Variants in TMX4 observed in about 807,000 individuals in gnomAD.
The protein encoded by TMX4 is thioredoxin-related transmembrane protein 4.
A neutral mutation model predicts 33.3 loss-of-function variants in TMX4; 23 were observed. The ratio of observed to expected loss-of-function variants is 0.69; its 90% CI spans 0.50 to 0.98. TMX4 has a LOEUF of 0.98. Among genes scored for constraint, TMX4 ranks in the 50% least tolerant of loss-of-function variants. The pLI, the probability that TMX4 is intolerant of heterozygous loss-of-function variation, is 0.00. For missense variants in TMX4, 399 were observed against 448.9 expected, an observed-to-expected ratio of 0.89 and a Z score of 1.01; for synonymous variants, 164 against 161.5, an observed-to-expected ratio of 1.02 and a Z score of -0.12.
In TMX4 at chr20:8,019,718, AG is replaced by A; in HGVS notation, c.-106del. Reference sequence around the variant, plus strand: ...GTTTTTCAAGGAAGCGGGAGACGCAAGGGCCACCCCGCCTACGCCTAGCGGC... The same window carrying A: ...GTTTTTCAAGGAAGCGGGAGACGCAAGGCCACCCCGCCTACGCCTAGCGGC... On this transcript the variant is annotated 5_prime_UTR_variant, in exon 1 of 8. Coordinates refer to ENST00000246024, the MANE Select transcript of TMX4 (RefSeq NM_021156.4). 9.8e-7 allele frequency: 1 copy of A among 1,017,684 alleles called. No individual in the cohort carries two copies. Among genetic ancestry groups the A allele is most frequent in the Non-Finnish European group, 1.3e-6 (1 of 781,594 alleles). The allele number at this position is 1,017,684 out of a possible 1,614,324, so 63.0% of individuals were successfully genotyped here. A position where few individuals can be genotyped will look rare whatever the true frequency, so the allele number is the denominator to read the frequency against.
intron 7 of TMX4, 69 bp from the exon 8 acceptor site, chr20:7,982,690 T>C: frequency 1.3e-6 from 2 of 1,482,288 alleles, no homozygotes; most frequent in Non-Finnish European, 1.8e-6. Flanking sequence ...TTGAGTGTGT[T>C]TAGCTGTGAA....
rs916692009 is a variant in TMX4, at chr20:7,980,343, A to G, written c.*1908T>C. 1.3e-5 allele frequency: 2 copies of G among 152,124 alleles called. No individual in the cohort carries two copies. The highest frequency in any genetic ancestry group is 4.8e-5 in the African/African-American group (2 of 41,422). The allele number at this position is 152,124 out of a possible 1,614,324, so 9.4% of individuals were successfully genotyped here. On this transcript the variant is annotated 3_prime_UTR_variant, in exon 8 of 8. Transcript: ENST00000246024. Reference sequence around the variant, plus strand: ...AACCTGAGTTTACTGTTCTTTGAGAACTCTGTTTCAGCTGATTATAAGAGA... The same window carrying G: ...AACCTGAGTTTACTGTTCTTTGAGAGCTCTGTTTCAGCTGATTATAAGAGA...
In TMX4 at chr20:7,992,229, G is replaced by C. The variant is rs1163345937; in HGVS notation, c.513+3797C>G. Among the ~76,000 whole-genome samples the C allele has an allele frequency of 2.0e-5, 3 of 152,190 alleles. No individual in the cohort carries two copies. In the East Asian group the frequency reaches 5.8e-4, roughly 29 times the overall value. The stretch of plus-strand genomic sequence containing the variant: ...TCCTTTGAAGATGTCAACTCTCTGA[G>C]AAACTCCTCTAACTGTCCCATCTCC... On this transcript the variant is annotated intron_variant, in intron 5 of 7. Coordinates refer to ENST00000246024, the MANE Select transcript of TMX4 (RefSeq NM_021156.4).
In TMX4 at chr20:7,979,280, T is replaced by A. The variant is rs992396436; in HGVS notation, c.*2971A>T. 1.3e-5 allele frequency: 2 copies of A among 152,132 alleles called. No homozygotes were observed. Among genetic ancestry groups the A allele is most frequent in the South Asian group, 2.1e-4 (1 of 4,826 alleles). The allele number at this position is 152,132 out of a possible 1,614,324, so 9.4% of individuals were successfully genotyped here. Reference sequence around the variant, plus strand: ...CCTAAAATCTTCAAGTGGAAAGATATTAAATTAAATTTTGTTGGAAAAAAA... The same window carrying A: ...CCTAAAATCTTCAAGTGGAAAGATAATAAATTAAATTTTGTTGGAAAAAAA... On this transcript the variant is annotated 3_prime_UTR_variant, in exon 8 of 8. Transcript: ENST00000246024.
In TMX4 at chr20:7,987,295, A is replaced by G. The variant is rs771921765; in HGVS notation, c.608T>C (p.Met203Thr). Residue 203 changes from methionine (M) to threonine (T), a missense_variant, in exon 6 of 8, where the codon ATG (methionine) becomes ACG (threonine). Physicochemically the swap from Met to Thr is moderately conservative, Grantham distance 81. Transcript: ENST00000246024. ...TTTGGTATTATCTCTTACCAGACCCATAAAAAGGCCAAAAACCAAGGTGGC... is the reference window on the plus strand; with the variant it reads ...TTTGGTATTATCTCTTACCAGACCCGTAAAAAGGCCAAAAACCAAGGTGGC... The part of the protein sequence containing the change: ...VIATLVFGLF[M>T]GLVLVVISEC... 6.3e-7 allele frequency: 1 copy of G among 1,587,486 alleles called. No homozygotes were observed. The highest frequency in any genetic ancestry group is 8.5e-7 in the Non-Finnish European group (1 of 1,171,858).
At chr20:7,989,509 TC>T (rs1301884339) in intron 5 of TMX4, among the ~76,000 whole-genome samples, 2 of 152,244 alleles carry the variant, frequency 1.3e-5, no homozygotes, top group African/African-American at 4.8e-5. Flanking sequence ...TTTCAAAACA[TC>T]CTCTTATTTT....
intron 2 of TMX4, among the ~76,000 whole-genome samples, chr20:8,003,942 A>G (rs1365358104): frequency 6.6e-6 from 1 of 152,158 alleles, no homozygotes; most frequent in Non-Finnish European, 1.5e-5. Context: ...TGGAATATTA[A>G]CAATGAGGTT....
At chr20:7,999,055 CTTAATA>C (rs1325726047) in intron 4 of TMX4, among the ~76,000 whole-genome samples, 2 of 152,084 alleles carry the variant, frequency 1.3e-5, no homozygotes, top group African/African-American at 4.8e-5. Context: ...TATGTGTTTC[CTTAATA>C]TTAATATAGA....
chr20:8,007,467 C>T (rs777415990), intron 2 of TMX4, among the ~76,000 whole-genome samples: 93 of 152,272 alleles, frequency 6.1e-4, no homozygotes, highest in South Asian at 1.4e-3. Flanking sequence ...CACATAGCTG[C>T]CAAAGGAATT....
chr20:7,992,769 C>T (rs529495512), intron 5 of TMX4, among the ~76,000 whole-genome samples: 1 of 152,250 alleles, frequency 6.6e-6, no homozygotes, highest in South Asian at 2.1e-4. Context: ...GAAACCCAAG[C>T]CCCTTAAGGA....
chr20:7,988,470 T>C (rs750780055), intron 5 of TMX4, among the ~76,000 whole-genome samples: 1 of 152,232 alleles, frequency 6.6e-6, no homozygotes, highest in Non-Finnish European at 1.5e-5. Flanking sequence ...TGTAAACTGA[T>C]TTAGCAAAAT....
intron 3 of TMX4, 103 bp from the exon 4 acceptor site, chr20:7,999,963 G>A (rs1444000174): frequency 1.6e-6 from 2 of 1,251,438 alleles, no homozygotes; most frequent in East Asian, 2.6e-5. Context: ...AACGCCATCT[G>A]AACTTTAAAT....
intron 5 of TMX4, among the ~76,000 whole-genome samples, chr20:7,993,476 A>T (rs2050663552): frequency 6.6e-6 from 1 of 152,112 alleles, no homozygotes; most frequent in Non-Finnish European, 1.5e-5. Context: ...AGCTGGAAGG[A>T]CTCGCTGAGT....
chr20:8,010,088 C>T, intron 2 of TMX4, 112 bp downstream of exon 2: 3 of 748,950 alleles, frequency 4.0e-6, no homozygotes, highest in Non-Finnish European at 4.4e-6. Context: ...TTAAAGGTGG[C>T]CAGTTCATGG....
At chr20:8,010,408 T>C in intron 1 of TMX4, 93 bp from the exon 2 acceptor site, 1 of 788,486 alleles carries the variant, frequency 1.3e-6, no homozygotes, top group Non-Finnish European at 1.8e-6. Flanking sequence ...AATAAATTAT[T>C]AAAAAAGGGA....
intron 2 of TMX4, among the ~76,000 whole-genome samples, chr20:8,004,124 CA>C (rs755739694): frequency 1.7e-3 from 227 of 132,174 alleles, no homozygotes; most frequent in Middle Eastern, 3.8e-3. Flanking sequence ...AAATTCATCT[CA>C]AAAAAAAAAA....
At position 8,019,437 on chromosome 20, in the gene TMX4, C is replaced by T; in HGVS notation, c.176+1G>A. On this transcript the variant is annotated splice_donor_variant, in intron 1 of 7. Coordinates refer to ENST00000246024, the MANE Select transcript of TMX4 (RefSeq NM_021156.4). LOFTEE classifies it high-confidence loss of function. Reference sequence around the variant, plus strand: ...CGTCCGGGGCGGGCGGGCACACTCACAATTTCAGCATCCACTCGCCCTCCA... The same window carrying T: ...CGTCCGGGGCGGGCGGGCACACTCATAATTTCAGCATCCACTCGCCCTCCA... 2 of 1,516,464 alleles carry T rather than the reference C, an allele frequency of 1.3e-6. No homozygotes were observed. The highest frequency in any genetic ancestry group is 1.2e-5 in the South Asian group (1 of 81,564). 93.9% of individuals were successfully genotyped at this position (1,516,464 alleles called of 1,614,324 possible).
At chr20:8,015,061 T>C (rs913089803) in intron 1 of TMX4, among the ~76,000 whole-genome samples, 1 of 151,776 alleles carries the variant, frequency 6.6e-6, no homozygotes, top group Non-Finnish European at 1.5e-5. Context: ...AATACCGCAC[T>C]AGATTGCTGG....
intron 3 of TMX4, among the ~76,000 whole-genome samples, chr20:8,001,294 C>T (rs940658838): frequency 6.6e-6 from 1 of 152,184 alleles, no homozygotes; most frequent in African/African-American, 2.4e-5. Flanking sequence ...CTCCTGCCCA[C>T]CTACGCCTGA....
Sources: gnomAD v4.1 joint callset for allele counts (sites outside exome capture counted in the v4.1 genomes callset) on GRCh38, gnomAD v4.1.1 for gene constraint, MANE v1.5 for transcripts, NCBI Gene and HGNC (gene_info 2026-07-23, HGNC 2026-07-21) for gene names.